Variants in GAB1 observed in about 807,000 individuals in gnomAD.
GAB1 encodes GRB2-associated-binding protein 1.
Under a neutral mutation model 66.5 loss-of-function variants are expected in GAB1, and 19 were observed. That is an observed-to-expected ratio of 0.29 (90% CI 0.20 to 0.42). The LOEUF (loss-of-function observed/expected upper bound fraction) is 0.42, where lower values mean the gene tolerates loss of function less well. Among genes scored for constraint, GAB1 ranks in the 10% least tolerant of loss-of-function variants. GAB1 has a pLI of 1.00. For missense variants in GAB1, 732 were observed against 858.5 expected (o/e 0.85, Z 1.84); for synonymous variants, 294 against 301.4 (o/e 0.98, Z 0.25).
At chr4:143,433,458 G>A (rs751987552) in intron 2 of GAB1, 33 bp from the exon 3 acceptor site, 62 of 1,507,498 alleles carry the variant, frequency 4.1e-5, no homozygotes, top group Non-Finnish European at 5.6e-5. Context: ...GTTTAACTGT[G>A]ATAGACGTGA....
At chr4:143,466,813 T>G (rs1735816645) in intron 9 of GAB1, among the ~76,000 whole-genome samples, 2 of 152,120 alleles carry the variant, frequency 1.3e-5, no homozygotes, top group Admixed American at 1.3e-4. Context: ...ATTCTAAAGT[T>G]AACCAGTCTA....
chr4:143,460,813 C>A (rs1735453773), intron 8 of GAB1, among the ~76,000 whole-genome samples: 2 of 152,028 alleles, frequency 1.3e-5, no homozygotes, highest in African/African-American at 4.8e-5. Flanking sequence ...CAACATGTCA[C>A]CCTGTCTCTA....
chr4:143,449,170 T>G (rs1468326710), intron 6 of GAB1, among the ~76,000 whole-genome samples: 1 of 148,150 alleles, frequency 6.7e-6, no homozygotes, highest in Non-Finnish European at 1.5e-5. Context: ...TGTTATAATT[T>G]CTGTTCTTTT....
intron 1 of GAB1, among the ~76,000 whole-genome samples, chr4:143,382,744 G>A (rs3805247): frequency 0.41 from 62,204 of 151,786 alleles, 13,243 homozygotes; most frequent in African/African-American, 0.52. Flanking sequence ...AACTGAGGAC[G>A]CTGATTTGTT....
chr4:143,387,313 T>C (rs1730964387), intron 1 of GAB1, among the ~76,000 whole-genome samples: 1 of 152,190 alleles, frequency 6.6e-6, no homozygotes, highest in South Asian at 2.1e-4. Flanking sequence ...GTATTTTTAA[T>C]AGAGACAGGA....
intron 2 of GAB1, among the ~76,000 whole-genome samples, chr4:143,422,662 G>A (rs1368932134): frequency 6.6e-6 from 1 of 152,126 alleles, no homozygotes; most frequent in African/African-American, 2.4e-5. Context: ...GTTTCAAATA[G>A]GATAAACTGT....
intron 1 of GAB1, among the ~76,000 whole-genome samples, chr4:143,387,017 A>T (rs918973817): frequency 1.3e-5 from 2 of 152,186 alleles, no homozygotes; most frequent in Non-Finnish European, 2.9e-5. Context: ...AAAGAGAATG[A>T]TAAGAAGGGT....
At chr4:143,372,817 A>G (rs1348044105) in intron 1 of GAB1, among the ~76,000 whole-genome samples, 2 of 152,170 alleles carry the variant, frequency 1.3e-5, no homozygotes, top group Non-Finnish European at 2.9e-5. Context: ...CCCTAGGCCA[A>G]ACCTTTCTGG....
intron 1 of GAB1, among the ~76,000 whole-genome samples, chr4:143,353,972 A>G (rs1180005040): frequency 4.6e-5 from 7 of 152,180 alleles, no homozygotes; most frequent in African/African-American, 2.4e-5. Context: ...TTGTTATTGT[A>G]CGAAGTGTCT....
At position 143,461,229 on chromosome 4, in the gene GAB1, T is replaced by C. The variant is rs140037649; in HGVS notation, c.1803+742T>C. ...TTTGCTTTGTTATTTGTATTTTAGT[T>C]GATAAGTATATCCATTAGGATTAAG... is the stretch of plus-strand genomic sequence containing the variant. On this transcript the variant is annotated intron_variant, in intron 8 of 9. Transcript: ENST00000262994. 5.6e-3 allele frequency among the ~76,000 whole-genome samples: 855 copies of C among 152,358 alleles called. 10 individuals carry two copies. The highest frequency in any genetic ancestry group is 0.019 in the African/African-American group (802 of 41,590).
At chr4:143,395,805 A>ACC (rs1291746900) in intron 1 of GAB1, 1 of 444,384 alleles carries the variant, frequency 2.3e-6, no homozygotes, top group Non-Finnish European at 4.5e-6. Context: ...CCCTCCACAT[A>ACC]CCCTTTCTAA....
chr4:143,441,659 A>G (rs1734247211), intron 6 of GAB1, among the ~76,000 whole-genome samples: 1 of 152,016 alleles, frequency 6.6e-6, no homozygotes, highest in South Asian at 2.1e-4. Context: ...TTTATGGGAA[A>G]TCTTTGCATC....
At chr4:143,370,184 G>C (rs754837215) in intron 1 of GAB1, among the ~76,000 whole-genome samples, 2 of 152,192 alleles carry the variant, frequency 1.3e-5, no homozygotes, top group African/African-American at 2.4e-5. Flanking sequence ...AAAGGGTATG[G>C]GGCAAGGGCT....
At chr4:143,444,580 A>C (rs1734411975) in intron 6 of GAB1, among the ~76,000 whole-genome samples, 1 of 152,196 alleles carries the variant, frequency 6.6e-6, no homozygotes, top group African/African-American at 2.4e-5. Context: ...ATTAAAAATT[A>C]ACATGCACTT....
chr4:143,353,263 A>G (rs558771888), intron 1 of GAB1, among the ~76,000 whole-genome samples: 1 of 152,270 alleles, frequency 6.6e-6, no homozygotes, highest in Non-Finnish European at 1.5e-5. Flanking sequence ...TACATGTCTG[A>G]TTTGCCCTAA....
chr4:143,394,857 G>C (rs1731360507), intron 1 of GAB1: 1 of 152,164 alleles, frequency 6.6e-6, no homozygotes, highest in Admixed American at 6.5e-5. Context: ...GGAGTGATGA[G>C]TGTTCTAGGA....
In GAB1 at chr4:143,446,681, A is replaced by G. The variant is rs551979260; in HGVS notation, c.1585+6299A>G. On this transcript the variant is annotated intron_variant, in intron 6 of 9. Transcript: ENST00000262994. ...GTAAATTTGTTTGAGTTCATTGTAG[A>G]TTCTGGATATTAGCCCTTTGCCAGA... Among the ~76,000 whole-genome samples, 544 of 152,272 alleles carry G rather than the reference A, an allele frequency of 3.6e-3. 8 individuals are homozygous for G. Among genetic ancestry groups the G allele is most frequent in the African/African-American group, 0.012 (513 of 41,556 alleles).
At chr4:143,379,368 C>A (rs1730562357) in intron 1 of GAB1, among the ~76,000 whole-genome samples, 1 of 152,080 alleles carries the variant, frequency 6.6e-6, no homozygotes, top group Non-Finnish European at 1.5e-5. Flanking sequence ...GCAAGTGTCT[C>A]CTGCCTTCCA....
At chr4:143,451,186 A>G (rs1734910913) in intron 6 of GAB1, among the ~76,000 whole-genome samples, 1 of 152,128 alleles carries the variant, frequency 6.6e-6, no homozygotes, top group Admixed American at 6.5e-5. Flanking sequence ...TCCCCTGAGG[A>G]AAGTCTGAGA....
Sources: allele counts gnomAD v4.1 joint callset (sites outside exome capture counted in the v4.1 genomes callset), GRCh38; gene constraint gnomAD v4.1.1; transcripts MANE v1.5; gene names NCBI Gene and HGNC (gene_info 2026-07-23, HGNC 2026-07-21).